Variants in TRIO observed in about 807,000 individuals in gnomAD.
The protein encoded by TRIO is triple functional domain protein.
A neutral mutation model predicts 351.9 loss-of-function variants in TRIO; 58 were observed. The observed-to-expected ratio is 0.16, with a 90% CI of 0.13 to 0.21. TRIO has a LOEUF of 0.21. Ranked by LOEUF, TRIO falls within the 10% of genes least tolerant of loss-of-function variation. The pLI is 1.00. For synonymous variants in TRIO, 1,758 were observed against 1,595.7 expected, an observed-to-expected ratio of 1.10 and a Z score of -2.42; for missense variants, 3,201 against 4,027.8, an observed-to-expected ratio of 0.79 and a Z score of 5.56.
At position 14,400,942 on chromosome 5, in the gene TRIO, T is replaced by G. The variant is rs773141394; in HGVS notation, c.4615-21T>G. On this transcript the variant is annotated intron_variant, in intron 30 of 56. Coordinates refer to ENST00000344204, the MANE Select transcript of TRIO (RefSeq NM_007118.4). Reference sequence around the variant, plus strand: ...CTAGAATTTTACTGTCACCTAATTATATAATTGTCTTTTTATCCAGACCTC... The same window carrying G: ...CTAGAATTTTACTGTCACCTAATTAGATAATTGTCTTTTTATCCAGACCTC... 6.8e-6 allele frequency: 11 copies of G among 1,610,632 alleles called. No individual in the cohort carries two copies. The South Asian group carries it at 1.2e-4, about 18-fold the overall frequency.
intron 3 of TRIO, 61 bp downstream of exon 3, chr5:14,280,497 T>C (rs1202630764): frequency 1.4e-6 from 2 of 1,434,594 alleles, no homozygotes; most frequent in Non-Finnish European, 2.0e-6. Flanking sequence ...TGTGGCGCTA[T>C]ACTCGTTAGA....
chr5:14,347,927 T>A (rs1315986671), intron 11 of TRIO, among the ~76,000 whole-genome samples: 1 of 152,166 alleles, frequency 6.6e-6, no homozygotes, highest in Non-Finnish European at 1.5e-5. Flanking sequence ...AATATATGAG[T>A]GTTTTGAATC....
At chr5:14,464,784 C>A (rs976259961) in intron 36 of TRIO, among the ~76,000 whole-genome samples, 2 of 152,166 alleles carry the variant, frequency 1.3e-5, no homozygotes, top group Non-Finnish European at 2.9e-5. Flanking sequence ...GTTCATATTA[C>A]GCCCCTTCTA....
Position 14,509,066 on chromosome 5 carries a change from C to T in TRIO, c.*644C>T, listed in dbSNP as rs1244017539. On this transcript the variant is annotated 3_prime_UTR_variant, in exon 57 of 57. Coordinates refer to ENST00000344204, the MANE Select transcript of TRIO (RefSeq NM_007118.4). ...CATTTTCCCACCTGCCTCCCCTACC[C>T]ACCCCCCACCCACCACCTGGGGCTT... The T allele has an allele frequency of 1.6e-5, 3 of 183,456 alleles. No individual in the cohort carries two copies. The highest frequency in any genetic ancestry group is 1.8e-4 in the East Asian group (1 of 5,460). 11.4% of individuals were successfully genotyped at this position (183,456 alleles called of 1,614,324 possible). A position where few individuals can be genotyped will look rare whatever the true frequency, so the allele number is the denominator to read the frequency against.
chr5:14,377,943 G>T, intron 19 of TRIO, 69 bp from the exon 20 acceptor site: 2 of 1,196,800 alleles, frequency 1.7e-6, no homozygotes, highest in South Asian at 1.3e-5. Flanking sequence ...AAATAAAAAT[G>T]AATGGAATTT....
chr5:14,425,647 T>C (rs1033124211), intron 34 of TRIO, among the ~76,000 whole-genome samples: 1 of 152,188 alleles, frequency 6.6e-6, no homozygotes, highest in African/African-American at 2.4e-5. Flanking sequence ...TGTTGAAATC[T>C]AACCGCCAAT....
At chr5:14,419,222 CA>C (rs1433862872) in intron 33 of TRIO, among the ~76,000 whole-genome samples, 1 of 152,022 alleles carries the variant, frequency 6.6e-6, no homozygotes, top group Non-Finnish European at 1.5e-5. Context: ...CAGAGGGCCT[CA>C]GGAGCCACAC....
intron 1 of TRIO, among the ~76,000 whole-genome samples, chr5:14,208,361 C>T (rs1460409678): frequency 6.6e-6 from 1 of 152,222 alleles, no homozygotes; most frequent in Non-Finnish European, 1.5e-5. Flanking sequence ...ATGCCACAAC[C>T]TGAGTGAACC....
At chr5:14,206,637 C>T (rs944495806) in intron 1 of TRIO, among the ~76,000 whole-genome samples, 2 of 152,198 alleles carry the variant, frequency 1.3e-5, no homozygotes, top group Non-Finnish European at 2.9e-5. Context: ...TGAAATTTGT[C>T]ATTCCATTTC....
chr5:14,364,867 C>A (rs776655420), intron 15 of TRIO, 51 bp downstream of exon 15: 1 of 1,544,892 alleles, frequency 6.5e-7, no homozygotes, highest in Non-Finnish European at 8.7e-7. Flanking sequence ...ATGCTTGATA[C>A]CTCATCGACT....
intron 1 of TRIO, among the ~76,000 whole-genome samples, chr5:14,152,050 G>A: frequency 6.6e-6 from 1 of 152,120 alleles, no homozygotes; most frequent in East Asian, 1.9e-4. Context: ...TGACTGGAGT[G>A]TTATATATAT....
chr5:14,387,327 A>G, intron 21 of TRIO, 111 bp from the exon 22 acceptor site: 1 of 1,108,530 alleles, frequency 9.0e-7, no homozygotes, highest in Non-Finnish European at 1.3e-6. Context: ...TTCTACCATC[A>G]GCCGGTTTTC....
chr5:14,159,516 T>A (rs985156625), intron 1 of TRIO, among the ~76,000 whole-genome samples: 3 of 152,148 alleles, frequency 2.0e-5, no homozygotes, highest in African/African-American at 7.2e-5. Context: ...GAAAGTGATA[T>A]TAACATTAAA....
intron 6 of TRIO, among the ~76,000 whole-genome samples, chr5:14,293,751 A>C (rs1737107320): frequency 1.3e-5 from 2 of 152,180 alleles, no homozygotes; most frequent in South Asian, 2.1e-4. Context: ...ACCAAAACCA[A>C]ACCAAAACAC....
intron 1 of TRIO, among the ~76,000 whole-genome samples, chr5:14,229,682 C>T (rs975509948): frequency 2.0e-5 from 3 of 152,184 alleles, no homozygotes; most frequent in Non-Finnish European, 2.9e-5. Context: ...TTGGACCAAG[C>T]TCCCCTATTT....
chr5:14,255,971 G>C (rs371337733), intron 1 of TRIO, among the ~76,000 whole-genome samples: 4 of 152,162 alleles, frequency 2.6e-5, no homozygotes, highest in Non-Finnish European at 5.9e-5. Context: ...TTTGTAAATG[G>C]CAAAACTGTA....
intron 48 of TRIO, chr5:14,488,547 C>CT: frequency 1.9e-6 from 1 of 527,322 alleles, no homozygotes; most frequent in Non-Finnish European, 3.3e-6. Context: ...CTTCTTGGAA[C>CT]TTTCTTTTTT....
chr5:14,458,956 TATGAGAAAA>T (rs1753573438), intron 34 of TRIO, among the ~76,000 whole-genome samples: 1 of 152,062 alleles, frequency 6.6e-6, no homozygotes, highest in East Asian at 1.9e-4. Context: ...AGAGTAAATA[TATGAGAAAA>T]TATATATACA....
chr5:14,161,933 G>C (rs962887488), intron 1 of TRIO, among the ~76,000 whole-genome samples: 3 of 152,156 alleles, frequency 2.0e-5, no homozygotes, highest in Non-Finnish European at 2.9e-5. Context: ...AGGCCAGGCA[G>C]GTCTCAACCT....
Sources: allele counts gnomAD v4.1 joint callset (sites outside exome capture counted in the v4.1 genomes callset), GRCh38; gene constraint gnomAD v4.1.1; transcripts MANE v1.5; gene names NCBI Gene and HGNC (gene_info 2026-07-23, HGNC 2026-07-21).